Variants in RAB44 observed in about 807,000 individuals in gnomAD.
RAB44 encodes the protein RAB44, member RAS oncogene family, also known as ras-related protein Rab-44.
RAB44 carries 67 observed loss-of-function variants against 93.3 expected under a neutral mutation model. The observed-to-expected ratio is 0.72, with a 90% confidence interval of 0.59 to 0.88. The LOEUF is 0.88. Ranked by LOEUF, RAB44 falls within the 40% of genes least tolerant of loss-of-function variation. The pLI is 0.00. For missense variants in RAB44, 1,064 were observed against 1,261.7 expected, an observed-to-expected ratio of 0.84 and a Z score of 2.37; for synonymous variants, 427 against 520.3, an observed-to-expected ratio of 0.82 and a Z score of 2.44.
chr6:36,732,383 C>T lies in RAB44; in HGVS notation c.*290C>T. Reference sequence around the variant, plus strand: ...TAAGGAAAATACACCAAAATATTGGCCGCACATCTGTGGGTGTAAAATTTT... The same window carrying T: ...TAAGGAAAATACACCAAAATATTGGTCGCACATCTGTGGGTGTAAAATTTT... On this transcript the variant is annotated 3_prime_UTR_variant, in exon 14 of 14. Transcript: ENST00000612677. 4.1e-6 allele frequency: 1 copy of T among 246,394 alleles called. No individual in the cohort carries two copies. Among genetic ancestry groups the T allele is most frequent in the Non-Finnish European group, 7.6e-6 (1 of 130,904 alleles). 15.3% of individuals were successfully genotyped at this position (246,394 alleles called of 1,614,324 possible). A position where few individuals can be genotyped will look rare whatever the true frequency, so the allele number is the denominator to read the frequency against.
intron 1 of RAB44, among the ~76,000 whole-genome samples, chr6:36,698,476 A>G (rs1370440207): frequency 1.3e-5 from 2 of 152,296 alleles, no homozygotes; most frequent in African/African-American, 4.8e-5. Context: ...CCTGCTGCCT[A>G]ACAGAATACC....
intron 7 of RAB44, among the ~76,000 whole-genome samples, chr6:36,718,912 T>C (rs1250896907): frequency 1.0e-5 from 1 of 96,440 alleles, no homozygotes; most frequent in Admixed American, 1.1e-4. Context: ...CCCTGCCCCA[T>C]TTTTTTTTTT....
At chr6:36,699,512 G>A (rs1000041053) in intron 1 of RAB44, among the ~76,000 whole-genome samples, 1 of 152,138 alleles carries the variant, frequency 6.6e-6, no homozygotes, top group African/African-American at 2.4e-5. Context: ...GACATTGGGC[G>A]TCACCACAGG....
intron 9 of RAB44, among the ~76,000 whole-genome samples, chr6:36,724,376 C>T (rs1451882529): frequency 6.6e-6 from 1 of 151,986 alleles, no homozygotes; most frequent in Non-Finnish European, 1.5e-5. Context: ...CCACGTTGGC[C>T]AGGCTGGTGA....
intron 1 of RAB44, among the ~76,000 whole-genome samples, chr6:36,699,023 C>T (rs546384155): frequency 1.8e-4 from 28 of 152,196 alleles, no homozygotes; most frequent in African/African-American, 5.3e-4. Flanking sequence ...TGTGAAGGCA[C>T]GAGGGGTGAG....
Position 36,704,278 on chromosome 6 carries a change from G to A in RAB44, c.43G>A (p.Gly15Ser). Residue 15 changes from glycine (G) to serine (S), a missense_variant, in exon 2 of 14, where the codon GGC becomes AGC. Coordinates refer to ENST00000612677, the MANE Select transcript of RAB44 (RefSeq NM_001257357.2). The stretch of plus-strand genomic sequence containing the variant: ...AACATCTCGAAAAGTCCGGAAGCTG[G>A]GCTCCAACCGGCGGCGGCAGACAAG... The part of the protein sequence containing the change: ...QRTSRKVRKL[G>S]SNRRRQTREP... The A allele has an allele frequency of 2.6e-6, 4 of 1,536,126 alleles. No individual in the cohort carries two copies. Among genetic ancestry groups the A allele is most frequent in the Non-Finnish European group, 3.5e-6 (4 of 1,146,894 alleles).
chr6:36,719,691 C>T (rs1763020426), intron 7 of RAB44, among the ~76,000 whole-genome samples: 1 of 152,110 alleles, frequency 6.6e-6, no homozygotes, highest in African/African-American at 2.4e-5. Context: ...TCAAGGAAGG[C>T]CTGGCTGAGA....
chr6:36,703,698 A>G (rs746265251), intron 1 of RAB44, among the ~76,000 whole-genome samples: 3 of 151,942 alleles, frequency 2.0e-5, no homozygotes, highest in Admixed American at 2.0e-4. Context: ...GCTGGAGAGA[A>G]AAGGCTGGAG....
At chr6:36,724,402 C>G (rs1763181310) in intron 9 of RAB44, among the ~76,000 whole-genome samples, 1 of 151,968 alleles carries the variant, frequency 6.6e-6, no homozygotes. Context: ...GGTGATCTGC[C>G]CGCCTCAGCC....
chr6:36,725,043 C>T (rs909008869), intron 9 of RAB44, among the ~76,000 whole-genome samples: 1 of 152,214 alleles, frequency 6.6e-6, no homozygotes, highest in Non-Finnish European at 1.5e-5. Flanking sequence ...GAATTGAAGA[C>T]CTGGTTCAGT....
At chr6:36,716,469 CAA>C (rs567193522) in intron 4 of RAB44, among the ~76,000 whole-genome samples, 1,933 of 76,206 alleles carry the variant, frequency 0.025, 26 homozygotes, top group African/African-American at 0.076. Context: ...GACTCTGTCT[CAA>C]AAAAAAAAAA....
chr6:36,705,430 C>T (rs1159128671), intron 2 of RAB44, among the ~76,000 whole-genome samples: 3 of 129,792 alleles, frequency 2.3e-5, no homozygotes, highest in East Asian at 2.6e-4. Context: ...CTTCTCAGCT[C>T]GATCTCAGAG....
At chr6:36,716,018 G>A (rs1258293878) in intron 4 of RAB44, among the ~76,000 whole-genome samples, 5 of 152,180 alleles carry the variant, frequency 3.3e-5, no homozygotes, top group Non-Finnish European at 7.4e-5. Flanking sequence ...AAACCATGGG[G>A]GTCCCTGCAG....
rs368043842 is a variant in RAB44 at position 36,720,824 on chromosome 6, TAC to T, written c.1016+286_1016+287del. Among the ~76,000 whole-genome samples, 67 of 151,992 alleles carry T rather than the reference TAC, an allele frequency of 4.4e-4. 1 individual carries two copies. Among genetic ancestry groups the T allele is most frequent in the African/African-American group, 1.5e-3 (63 of 41,470 alleles). On this transcript the variant is annotated intron_variant, in intron 8 of 13. Coordinates refer to ENST00000612677, the MANE Select transcript of RAB44 (RefSeq NM_001257357.2). Reference sequence around the variant, plus strand: ...ACGTGTACACACATACACACACACATACACACACACACATGTCCTAGTGCAGT... The same window carrying T: ...ACGTGTACACACATACACACACACATACACACACACATGTCCTAGTGCAGT...
chr6:36,726,948 A>G (rs1354327987), intron 10 of RAB44, among the ~76,000 whole-genome samples: 2 of 152,020 alleles, frequency 1.3e-5, no homozygotes, highest in African/African-American at 2.4e-5. Context: ...CTACAGACAC[A>G]TACAACCACA....
In RAB44 at chr6:36,728,775, G is replaced by A. The variant is rs774950927; in HGVS notation, c.2872G>A (p.Val958Met). 70 of 1,550,450 alleles carry A rather than the reference G, an allele frequency of 4.5e-5. No individual in the cohort carries two copies. Among genetic ancestry groups the A allele is most frequent in the Non-Finnish European group, 5.2e-5 (60 of 1,146,972 alleles). Residue 958 changes from valine to methionine, a missense_variant, in exon 12 of 14, where the codon GTG becomes ATG. Transcript: ENST00000612677. ...MDCEEERQVS[V>M]EAGQQLAQEL... ...CTGTGAGGAGGAACGGCAAGTGTCC[G>A]TGGAAGCTGGGCAGCAACTGGCCCA...
intron 7 of RAB44, among the ~76,000 whole-genome samples, chr6:36,719,819 C>A (rs904150392): frequency 2.5e-4 from 38 of 152,162 alleles, no homozygotes; most frequent in African/African-American, 9.2e-4. Context: ...GTTCACAGAA[C>A]AGTAAGCAGA....
Position 36,718,132 on chromosome 6 carries a change from G to C in RAB44, c.732+14G>C. On this transcript the variant is annotated intron_variant, in intron 6 of 13. Transcript: ENST00000612677. The stretch of plus-strand genomic sequence containing the variant: ...CTGCAGGCTGAGGTGGGCTCCCGCC[G>C]GCAGCCTGCCTCCTTCCCACTGCCC... The C allele has an allele frequency of 8.1e-7, 1 of 1,230,824 alleles. No individual in the cohort carries two copies. Among genetic ancestry groups the C allele is most frequent in the Non-Finnish European group, 1.0e-6 (1 of 986,770 alleles). The allele number at this position is 1,230,824 out of a possible 1,614,324, so 76.2% of individuals were successfully genotyped here.
intron 12 of RAB44, among the ~76,000 whole-genome samples, 196 bp from the exon 13 acceptor site, chr6:36,730,477 G>C (rs1763334106): frequency 6.6e-6 from 1 of 152,222 alleles, no homozygotes; most frequent in Admixed American, 6.5e-5. Flanking sequence ...TGGCCAGCCG[G>C]GGTGAAGGGA....
Sources: allele counts gnomAD v4.1 joint callset (sites outside exome capture counted in the v4.1 genomes callset), GRCh38; gene constraint gnomAD v4.1.1; transcripts MANE v1.5; gene names NCBI Gene and HGNC (gene_info 2026-07-23, HGNC 2026-07-21).